CHM: variants seen among roughly 807,000 people sequenced by gnomAD.
The protein encoded by CHM is CHM Rab escort protein.
Under a neutral mutation model 49.0 loss-of-function variants are expected in CHM, and 10 were observed. The ratio of observed to expected loss-of-function variants is 0.20; its 90% CI spans 0.13 to 0.35. The LOEUF (loss-of-function observed/expected upper bound fraction) is 0.35. Among genes scored for constraint, CHM ranks in the 10% least tolerant of loss-of-function variants. CHM has a pLI of 1.00. For missense variants in CHM, 455 were observed against 478.4 expected (o/e 0.95, Z 0.46); for synonymous variants, 184 against 167.5 (o/e 1.10, Z -0.76).
chrX:85,967,263 G>A (rs181826303), intron 4 of CHM, among the ~76,000 whole-genome samples: 2 of 111,749 alleles, frequency 1.8e-5, no homozygotes, highest in African/African-American at 6.5e-5. Flanking sequence ...TTTATACTGT[G>A]GTAAAAGACA....
chrX:85,928,599 G>T (rs867963348), intron 8 of CHM, among the ~76,000 whole-genome samples: 6 of 112,297 alleles, frequency 5.3e-5, no homozygotes, highest in African/African-American at 1.9e-4. Flanking sequence ...TAATGCTTTA[G>T]AAACTGAAAA....
rs183144701 is a variant in CHM at position 85,895,146 on chromosome X, T to G, written c.1414-862A>C. Among the ~76,000 whole-genome samples the G allele has an allele frequency of 6.9e-5, 7 of 101,076 alleles. No homozygotes were observed. The East Asian group carries it at 1.5e-3, about 22-fold the overall frequency. 87.8% of individuals were successfully genotyped at this position (101,076 alleles called of 115,157 possible). On this transcript the variant is annotated intron_variant, in intron 11 of 14. Coordinates refer to ENST00000357749, the MANE Select transcript of CHM (RefSeq NM_000390.4). ...TCAATGTTTTTTTTTGTTTTTTTTTTTTTTTTTGAGATGGAGTCTCACTCT... is the reference window on the plus strand; with the variant it reads ...TCAATGTTTTTTTTTGTTTTTTTTTGTTTTTTTGAGATGGAGTCTCACTCT...
chrX:85,963,626 A>G, intron 5 of CHM, 39 bp downstream of exon 5: 1 of 1,150,003 alleles, frequency 8.7e-7, no homozygotes, highest in South Asian at 1.8e-5. Flanking sequence ...GGGCCCAGAT[A>G]CTGTTTTCAA....
chrX:85,929,328 C>G (rs1275463732), intron 8 of CHM, among the ~76,000 whole-genome samples: 2 of 112,458 alleles, frequency 1.8e-5, no homozygotes, highest in Non-Finnish European at 3.8e-5. Context: ...TCATTACACA[C>G]TCAAATGCCA....
chrX:85,959,067 A>T (rs190171643), intron 5 of CHM, 90 bp from the exon 6 acceptor site: 1 of 1,049,719 alleles, frequency 9.5e-7, no homozygotes, highest in Admixed American at 2.4e-5. Flanking sequence ...TATATTTTTT[A>T]TTATTTGTAG....
chrX:85,902,628 T>A (rs984664237), intron 9 of CHM, among the ~76,000 whole-genome samples: 2 of 111,627 alleles, frequency 1.8e-5, no homozygotes, highest in Non-Finnish European at 3.8e-5. Flanking sequence ...GCTCTTGCCT[T>A]ATAAAATACT....
intron 8 of CHM, among the ~76,000 whole-genome samples, chrX:85,929,936 T>A (rs1346335219): frequency 9.2e-6 from 1 of 109,156 alleles, no homozygotes; most frequent in East Asian, 2.9e-4. Flanking sequence ...ACGCTGTCTC[T>A]ACTAATAATA....
intron 4 of CHM, chrX:85,971,568 T>C: frequency 3.3e-6 from 1 of 298,659 alleles, no homozygotes; most frequent in Non-Finnish European, 6.5e-6. Flanking sequence ...GTGTTACAGC[T>C]CATAAAAGCA....
intron 1 of CHM, among the ~76,000 whole-genome samples, chrX:86,046,298 C>T (rs1469915754): frequency 4.5e-5 from 5 of 112,145 alleles, no homozygotes; most frequent in Non-Finnish European, 1.9e-5. Context: ...AATTTACCAG[C>T]TGTGTGATCC....
intron 8 of CHM, among the ~76,000 whole-genome samples, chrX:85,941,606 T>C (rs957648179): frequency 2.8e-4 from 31 of 111,807 alleles, no homozygotes; most frequent in African/African-American, 9.7e-4. Context: ...TCAACTGAAG[T>C]TGGAAAAACC....
chrX:86,040,977 G>A (rs1259021658), intron 1 of CHM, among the ~76,000 whole-genome samples: 1 of 112,116 alleles, frequency 8.9e-6, no homozygotes, highest in African/African-American at 3.2e-5. Flanking sequence ...TTTAGTTAAA[G>A]AATGCACTGA....
At chrX:85,919,771 C>A (rs1212489149) in intron 8 of CHM, among the ~76,000 whole-genome samples, 1 of 111,422 alleles carries the variant, frequency 9.0e-6, no homozygotes, top group African/African-American at 3.3e-5. Context: ...GTTACATGTG[C>A]ACATACATTT....
intron 5 of CHM, among the ~76,000 whole-genome samples, chrX:85,961,729 C>T (rs1333558688): frequency 9.0e-6 from 1 of 111,270 alleles, no homozygotes; most frequent in Non-Finnish European, 1.9e-5. Context: ...TTTTGTAGAA[C>T]GTATGAACCC....
rs1927210601 is a variant in CHM at position 85,913,335 on chromosome X, AGAAAGAAAGAAAGAAAGAAAGAAAGAAAG to A, written c.1167-2026_1167-1998del. ...TGTCAAAAAAAAAAAAAAAAAAAAA[AGAAAGAAAGAAAGAAAGAAAGAAAGAAAG>A]AAAGAAAGAAAGAAAGAAAGAAAAA... On this transcript the variant is annotated intron_variant, in intron 8 of 14. Coordinates refer to ENST00000357749, the MANE Select transcript of CHM (RefSeq NM_000390.4). 3.2e-5 allele frequency among the ~76,000 whole-genome samples: 2 copies of A among 62,885 alleles called. 1 individual carries two copies. Among genetic ancestry groups the A allele is most frequent in the Non-Finnish European group, 6.2e-5 (2 of 32,490 alleles). The allele number at this position is 62,885 out of a possible 115,157, so 54.6% of individuals were successfully genotyped here. A position where few individuals can be genotyped will look rare whatever the true frequency, so the allele number is the denominator to read the frequency against.
At chrX:86,022,284 A>G (rs1933639293) in intron 2 of CHM, among the ~76,000 whole-genome samples, 1 of 112,235 alleles carries the variant, frequency 8.9e-6, no homozygotes, top group African/African-American at 3.2e-5. Context: ...AGCAGACATG[A>G]CAGATAGAGC....
At chrX:85,943,064 T>C (rs1353947074) in intron 8 of CHM, among the ~76,000 whole-genome samples, 5 of 109,112 alleles carry the variant, frequency 4.6e-5, no homozygotes, top group Non-Finnish European at 9.5e-5. Flanking sequence ...TCCAGCTTCA[T>C]AAATTGACAA....
intron 4 of CHM, among the ~76,000 whole-genome samples, chrX:85,976,158 G>C (rs1931242740): frequency 9.0e-6 from 1 of 111,688 alleles, no homozygotes; most frequent in South Asian, 3.8e-4. Context: ...GAAGACACTG[G>C]AATACAACTG....
At chrX:85,976,926 AG>A (rs759884821) in intron 4 of CHM, among the ~76,000 whole-genome samples, 31 of 109,866 alleles carry the variant, frequency 2.8e-4, no homozygotes, top group Admixed American at 7.8e-4. Context: ...AAAGAAAATG[AG>A]GTTGTCAGAA....
chrX:85,910,473 T>C (rs1926862926), intron 9 of CHM, among the ~76,000 whole-genome samples: 1 of 111,835 alleles, frequency 8.9e-6, no homozygotes, highest in African/African-American at 3.2e-5. Flanking sequence ...ATCTAAAATA[T>C]TTAAGTTTCA....
Sources: gnomAD v4.1 joint callset for allele counts (sites outside exome capture counted in the v4.1 genomes callset) on GRCh38, gnomAD v4.1.1 for gene constraint, MANE v1.5 for transcripts, NCBI Gene and HGNC (gene_info 2026-07-23, HGNC 2026-07-21) for gene names.